The following HECW1 variants were observed in gnomAD, a reference collection of about 807,000 sequenced individuals.
HECW1 encodes the protein E3 ubiquitin-protein ligase HECW1.
HECW1 carries 61 observed loss-of-function variants against 182.3 expected under a neutral mutation model. The ratio of observed to expected loss-of-function variants is 0.33; its 90% CI spans 0.27 to 0.41. HECW1 has a LOEUF of 0.41. HECW1 is among the 10% of genes least tolerant of loss of function. HECW1 has a pLI of 1.00. For missense variants in HECW1, 1,739 were observed against 2,108.9 expected (o/e 0.82, Z 3.44); for synonymous variants, 859 against 832.6 (o/e 1.03, Z -0.55).
intron 2 of HECW1, among the ~76,000 whole-genome samples, chr7:43,173,631 C>T (rs943973867): frequency 1.4e-4 from 22 of 152,166 alleles, no homozygotes; most frequent in African/African-American, 4.8e-4. Flanking sequence ...GGTTCACCCT[C>T]CTATGAGAGT....
intron 7 of HECW1, among the ~76,000 whole-genome samples, chr7:43,402,285 A>G (rs994367020): frequency 6.6e-6 from 1 of 152,170 alleles, no homozygotes; most frequent in African/African-American, 2.4e-5. Flanking sequence ...GGGCTCCAGG[A>G]GTCACAGACA....
chr7:43,274,841 A>C (rs1476303057), intron 3 of HECW1, among the ~76,000 whole-genome samples: 2 of 152,252 alleles, frequency 1.3e-5, no homozygotes, highest in African/African-American at 4.8e-5. Flanking sequence ...ATCAATGAGA[A>C]GATATTTACT....
intron 24 of HECW1, among the ~76,000 whole-genome samples, chr7:43,532,342 C>T (rs956447240): frequency 6.6e-6 from 1 of 152,156 alleles, no homozygotes; most frequent in Non-Finnish European, 1.5e-5. Flanking sequence ...AGGCCTCTGC[C>T]TTCACTCTTG....
intron 22 of HECW1, 50 bp from the exon 23 acceptor site, chr7:43,507,968 C>A (rs778340974): frequency 7.6e-7 from 1 of 1,322,938 alleles, no homozygotes; most frequent in Non-Finnish European, 1.1e-6. Flanking sequence ...AGAACCCTGT[C>A]CAGCATCCTG....
intron 2 of HECW1, chr7:43,163,285 C>T (rs990138066): frequency 1.3e-5 from 2 of 152,276 alleles, no homozygotes; most frequent in Non-Finnish European, 2.9e-5. Flanking sequence ...ATTGCAAATA[C>T]ATTTCACCTT....
chr7:43,251,726 C>G (rs1235906894), intron 3 of HECW1, among the ~76,000 whole-genome samples: 3 of 152,214 alleles, frequency 2.0e-5, no homozygotes, highest in African/African-American at 4.8e-5. Flanking sequence ...AGCCGATGCT[C>G]TGGTTATTTC....
intron 7 of HECW1, among the ~76,000 whole-genome samples, chr7:43,403,795 T>A (rs2075509388): frequency 1.3e-5 from 2 of 152,176 alleles, no homozygotes; most frequent in Admixed American, 6.5e-5. Context: ...TTGGCAAAGG[T>A]TGCCACTGGT....
chr7:43,384,420 A>G (rs2074685172), intron 6 of HECW1, among the ~76,000 whole-genome samples: 1 of 152,212 alleles, frequency 6.6e-6, no homozygotes, highest in South Asian at 2.1e-4. Flanking sequence ...CAGAGCCCCA[A>G]GATGGCGGTG....
rs913799864 is a variant in HECW1, at chr7:43,213,661, G to A, written c.-31-30214G>A. The stretch of plus-strand genomic sequence containing the variant: ...GGGGTTTCACCGTGTTAGCCAGGAT[G>A]GTCTCGATCTCCTGACCTCGTGATC... On this transcript the variant is annotated intron_variant, in intron 2 of 29. Transcript: ENST00000395891. Among the ~76,000 whole-genome samples, 6 of 151,890 alleles carry A rather than the reference G, an allele frequency of 4.0e-5. 1 individual carries two copies. The South Asian group carries it at 1.0e-3, about 26-fold the overall frequency.
At chr7:43,135,707 T>G (rs181209982) in intron 2 of HECW1, among the ~76,000 whole-genome samples, 1 of 152,222 alleles carries the variant, frequency 6.6e-6, no homozygotes. Context: ...TTTTTATTCC[T>G]TTTTGATACC....
chr7:43,321,255 C>T (rs149847829), intron 5 of HECW1, among the ~76,000 whole-genome samples: 1 of 152,206 alleles, frequency 6.6e-6, no homozygotes, highest in Non-Finnish European at 1.5e-5. Context: ...TACTACCAGC[C>T]TGTTTCTTTG....
chr7:43,261,936 C>A (rs1478428034), intron 3 of HECW1, among the ~76,000 whole-genome samples: 1 of 151,766 alleles, frequency 6.6e-6, no homozygotes, highest in Non-Finnish European at 1.5e-5. Flanking sequence ...AAATTACAAA[C>A]CTGGTCCAGT....
intron 2 of HECW1, among the ~76,000 whole-genome samples, chr7:43,182,134 G>C (rs939674038): frequency 2.0e-5 from 3 of 152,130 alleles, no homozygotes; most frequent in Non-Finnish European, 4.4e-5. Context: ...TTCATTTGCT[G>C]TGTGGAAGTG....
At chr7:43,203,706 C>T (rs1310295256) in intron 2 of HECW1, among the ~76,000 whole-genome samples, 2 of 152,194 alleles carry the variant, frequency 1.3e-5, no homozygotes, top group African/African-American at 2.4e-5. Flanking sequence ...GATCCACCCA[C>T]CTCAGCCTCC....
At chr7:43,323,886 T>A (rs1810444922) in intron 5 of HECW1, among the ~76,000 whole-genome samples, 1 of 151,892 alleles carries the variant, frequency 6.6e-6, no homozygotes, top group Non-Finnish European at 1.5e-5. Flanking sequence ...ATACAAAAAT[T>A]AGCCAGGCAC....
chr7:43,194,697 CTTT>C (rs59580794), intron 2 of HECW1, among the ~76,000 whole-genome samples: 5 of 143,374 alleles, frequency 3.5e-5, no homozygotes, highest in Non-Finnish European at 3.1e-5. Flanking sequence ...GCTCTCCACC[CTTT>C]TTTTTTTTTT....
At chr7:43,498,848 C>G (rs1001887634) in intron 19 of HECW1, among the ~76,000 whole-genome samples, 17 of 152,076 alleles carry the variant, frequency 1.1e-4, no homozygotes, top group African/African-American at 3.1e-4. Flanking sequence ...AAAAAGATCT[C>G]CATACCAAAA....
At position 43,112,682 on chromosome 7, in the gene HECW1, C is replaced by G. The variant is rs903800120; in HGVS notation, c.-522C>G. On this transcript the variant is annotated 5_prime_UTR_variant, in exon 1 of 30. Coordinates refer to ENST00000395891, the MANE Select transcript of HECW1 (RefSeq NM_015052.5). Reference sequence around the variant, plus strand: ...CTGTTGTTGGAGCCGGAACACCGTGCGACTCTGACCGAACCGGCCCCCTCC... The same window carrying G: ...CTGTTGTTGGAGCCGGAACACCGTGGGACTCTGACCGAACCGGCCCCCTCC... 1.3e-5 allele frequency: 3 copies of G among 229,790 alleles called. No individual in the cohort carries two copies. The highest frequency in any genetic ancestry group is 6.6e-5 in the African/African-American group (3 of 45,190). The allele number at this position is 229,790 out of a possible 1,614,324, so 14.2% of individuals were successfully genotyped here. A position where few individuals can be genotyped will look rare whatever the true frequency, so the allele number is the denominator to read the frequency against.
At chr7:43,546,432 T>C (rs1320230222) in intron 26 of HECW1, among the ~76,000 whole-genome samples, 3 of 152,050 alleles carry the variant, frequency 2.0e-5, no homozygotes, top group Non-Finnish European at 4.4e-5. Flanking sequence ...GTTCTCTCTA[T>C]TGAAGTCATC....
Sources: allele counts gnomAD v4.1 joint callset (sites outside exome capture counted in the v4.1 genomes callset), GRCh38; gene constraint gnomAD v4.1.1; transcripts MANE v1.5; gene names NCBI Gene and HGNC (gene_info 2026-07-23, HGNC 2026-07-21).